TMEM233: variants seen among roughly 807,000 people sequenced by gnomAD.
The protein encoded by TMEM233 is transmembrane protein 233.
A neutral mutation model predicts 11.2 loss-of-function variants in TMEM233; 6 were observed. The observed-to-expected ratio is 0.54, with a 90% CI of 0.29 to 1.06. The LOEUF (loss-of-function observed/expected upper bound fraction) is 1.06, where lower values mean the gene tolerates loss of function less well. Among genes scored for constraint, TMEM233 ranks in the 50% least tolerant of loss-of-function variants. TMEM233 has a pLI of 0.08. For synonymous variants in TMEM233, 59 were observed against 55.8 expected (o/e 1.06, Z -0.26); for missense variants, 127 against 144.7 (o/e 0.88, Z 0.63).
intron 1 of TMEM233, among the ~76,000 whole-genome samples, chr12:119,619,999 G>A (rs1445315757): frequency 1.3e-5 from 2 of 152,150 alleles, no homozygotes; most frequent in Non-Finnish European, 2.9e-5. Flanking sequence ...GAAATACGTA[G>A]GATCAATAAA....
chr12:119,629,697 G>T (rs1954838300), intron 1 of TMEM233, 39 bp from the exon 2 acceptor site: 3 of 1,530,574 alleles, frequency 2.0e-6, no homozygotes, highest in South Asian at 2.5e-5. Context: ...TTCCCTGTGG[G>T]TTATCTGTCA....
chr12:119,593,947 G>A lies in TMEM233; in HGVS notation c.99G>A (p.Met33Ile), dbSNP rs1260115039. 1 of 1,551,598 alleles carries A rather than the reference G, an allele frequency of 6.4e-7. No individual in the cohort carries two copies. Among genetic ancestry groups the A allele is most frequent in the Non-Finnish European group, 8.7e-7 (1 of 1,146,992 alleles). ...EDDKTEEDVP[M>I]PKNYLWLTIV... ...ACAAGACCGAGGAGGACGTGCCCAT[G>A]CCCAAGAACTACCTGTGGCTCACCA... Residue 33 changes from methionine to isoleucine, a missense_variant, in exon 1 of 3, where the codon ATG becomes ATA. By Grantham distance (10) the Met-to-Ile change is conservative. Transcript: ENST00000426426. The surrounding 1 kb of genome is among the most constrained non-coding windows in gnomAD (Gnocchi z 4.1).
intron 1 of TMEM233, among the ~76,000 whole-genome samples, chr12:119,611,630 G>A (rs1954401776): frequency 6.6e-6 from 1 of 151,702 alleles, no homozygotes; most frequent in South Asian, 2.1e-4. Context: ...GGGTTTTCTG[G>A]CCCTTGCTTC....
chr12:119,649,931 A>G, the TMEM233 span, among the ~76,000 whole-genome samples: 1 of 146,282 alleles, frequency 6.8e-6, no homozygotes, highest in African/African-American at 2.6e-5. Flanking sequence ...GGCCGAGGTG[A>G]GCGGATCACG....
At chr12:119,599,482 A>C (rs886216856) in intron 1 of TMEM233, among the ~76,000 whole-genome samples, 2 of 152,228 alleles carry the variant, frequency 1.3e-5, no homozygotes, top group Non-Finnish European at 2.9e-5. Context: ...ACACTCAAGA[A>C]CAAATTAGGA....
intron 2 of TMEM233, chr12:119,634,111 G>A: frequency 4.0e-6 from 1 of 249,318 alleles, no homozygotes; most frequent in Non-Finnish European, 6.4e-6. Flanking sequence ...TTCATTTACA[G>A]CAAACTCATC....
chr12:119,597,217 T>G (rs1212139871), intron 1 of TMEM233, among the ~76,000 whole-genome samples: 2 of 152,182 alleles, frequency 1.3e-5, no homozygotes, highest in Non-Finnish European at 2.9e-5. Flanking sequence ...TCCTGGCAAT[T>G]TTCAACTCTC....
At chr12:119,645,084 C>T (rs1207231414), downstream of TMEM233, among the ~76,000 whole-genome samples, 1 of 152,162 alleles carries the variant, frequency 6.6e-6, no homozygotes, top group Non-Finnish European at 1.5e-5. Context: ...CCATTCTTCG[C>T]AGTGCTGAGG....
At chr12:119,602,963 G>C (rs1298676766) in intron 1 of TMEM233, among the ~76,000 whole-genome samples, 1 of 152,066 alleles carries the variant, frequency 6.6e-6, no homozygotes, top group Non-Finnish European at 1.5e-5. Flanking sequence ...ATAATAAAAA[G>C]TAAAAAGAGG....
At chr12:119,630,396 C>T (rs1954854209) in intron 2 of TMEM233, among the ~76,000 whole-genome samples, 1 of 152,180 alleles carries the variant, frequency 6.6e-6, no homozygotes, top group Admixed American at 6.5e-5. Flanking sequence ...CTATCTAGGA[C>T]AGAAGTCAAC....
chr12:119,640,065 A>G (rs1469714166), intron 2 of TMEM233, among the ~76,000 whole-genome samples: 2 of 152,256 alleles, frequency 1.3e-5, no homozygotes, highest in Non-Finnish European at 2.9e-5. Flanking sequence ...AACTGCTAAC[A>G]GCACTACTAT....
chr12:119,642,995 G>C lies in TMEM233; in HGVS notation c.*2290G>C, dbSNP rs1298929790. 2.0e-5 allele frequency: 3 copies of C among 152,184 alleles called. No individual in the cohort carries two copies. The East Asian group carries it at 5.8e-4, about 29-fold the overall frequency. 9.4% of individuals were successfully genotyped at this position (152,184 alleles called of 1,614,324 possible). A position where few individuals can be genotyped will look rare whatever the true frequency, so the allele number is the denominator to read the frequency against. On this transcript the variant is annotated 3_prime_UTR_variant, in exon 3 of 3. Coordinates refer to ENST00000426426, the MANE Select transcript of TMEM233 (RefSeq NM_001136534.3). ...TCCTGTTTTTTGTTTGTGCGTGTTTGGGTCCCTGGTCTTTTACCCAAATCA... is the reference window on the plus strand; with the variant it reads ...TCCTGTTTTTTGTTTGTGCGTGTTTCGGTCCCTGGTCTTTTACCCAAATCA...
At chr12:119,638,408 C>T (rs778221807) in intron 2 of TMEM233, among the ~76,000 whole-genome samples, 7 of 152,002 alleles carry the variant, frequency 4.6e-5, no homozygotes, top group Non-Finnish European at 2.9e-5. Flanking sequence ...GGGTGCAGTC[C>T]GCTATAATTG....
At chr12:119,614,873 T>C (rs1421364458) in intron 1 of TMEM233, among the ~76,000 whole-genome samples, 1 of 152,122 alleles carries the variant, frequency 6.6e-6, no homozygotes, top group Non-Finnish European at 1.5e-5. Flanking sequence ...AAATATTAAC[T>C]ATAATTTTAA....
chr12:119,638,599 G>T (rs1054123135), intron 2 of TMEM233, among the ~76,000 whole-genome samples: 3 of 152,204 alleles, frequency 2.0e-5, no homozygotes, highest in African/African-American at 4.8e-5. Context: ...TGCAGCCAGG[G>T]TTGGGAACCA....
intron 2 of TMEM233, among the ~76,000 whole-genome samples, chr12:119,639,080 G>C (rs554838543): frequency 6.6e-6 from 1 of 151,986 alleles, no homozygotes; most frequent in Admixed American, 6.6e-5. Context: ...TGCACTTGCC[G>C]TTCCCTCTGC....
At chr12:119,644,403 A>G (rs1014144649), downstream of TMEM233, among the ~76,000 whole-genome samples, 1 of 152,144 alleles carries the variant, frequency 6.6e-6, no homozygotes, top group Admixed American at 6.5e-5. Flanking sequence ...AACAGCGTCC[A>G]TATTAAGCAT....
At chr12:119,653,246 A>G in the TMEM233 span, among the ~76,000 whole-genome samples, 128,361 of 151,694 alleles carry the variant, frequency 0.85, 54,545 homozygotes, top group African/African-American at 0.89. Flanking sequence ...CAAAAAATTA[A>G]CCAGGCAAGG....
At chr12:119,631,251 A>G (rs1954877429) in intron 2 of TMEM233, 2 of 152,246 alleles carry the variant, frequency 1.3e-5, no homozygotes, top group South Asian at 4.1e-4. Context: ...GAGAAGGTCA[A>G]CCTCTTTCTC....
Sources: allele counts gnomAD v4.1 joint callset (sites outside exome capture counted in the v4.1 genomes callset), GRCh38; gene constraint gnomAD v4.1.1; non-coding constraint Gnocchi (gnomAD v3.1); transcripts MANE v1.5; gene names NCBI Gene and HGNC (gene_info 2026-07-23, HGNC 2026-07-21).